Variants in CAMTA1 observed in about 807,000 individuals in gnomAD.
The protein encoded by CAMTA1 is calmodulin-binding transcription activator 1.
A neutral mutation model predicts 170.9 loss-of-function variants in CAMTA1; 27 were observed. That is an observed-to-expected ratio of 0.16 (90% CI 0.12 to 0.22). The LOEUF (loss-of-function observed/expected upper bound fraction) is 0.22, where lower values mean the gene tolerates loss of function less well. CAMTA1 is among the 10% of genes least tolerant of loss of function. The pLI is 1.00. For synonymous variants in CAMTA1, 833 were observed against 891.5 expected, an observed-to-expected ratio of 0.93 and a Z score of 1.17; for missense variants, 1,619 against 2,217.2, an observed-to-expected ratio of 0.73 and a Z score of 5.42.
chr1:6,814,313 C>G (rs539842170), intron 1 of CAMTA1, among the ~76,000 whole-genome samples: 1 of 152,224 alleles, frequency 6.6e-6, no homozygotes, highest in Non-Finnish European at 1.5e-5. Context: ...ATCTCCTTCT[C>G]TTCCTCCTCT....
At chr1:6,799,039 A>C (rs1385243809) in intron 1 of CAMTA1, among the ~76,000 whole-genome samples, 1 of 151,930 alleles carries the variant, frequency 6.6e-6, no homozygotes, top group Non-Finnish European at 1.5e-5. Flanking sequence ...CCTTTTTACT[A>C]TTTATTTATT....
At chr1:6,936,813 C>T (rs1418223946) in intron 3 of CAMTA1, among the ~76,000 whole-genome samples, 1 of 152,048 alleles carries the variant, frequency 6.6e-6, no homozygotes, top group Non-Finnish European at 1.5e-5. Flanking sequence ...ACGGTGAAAC[C>T]CCATCTCTAC....
chr1:7,507,431 T>C (rs78344859), intron 6 of CAMTA1, among the ~76,000 whole-genome samples: 6,346 of 152,168 alleles, frequency 0.042, 409 homozygotes, highest in African/African-American at 0.14. Flanking sequence ...CTATCGGAGC[T>C]GTTTACTCCC....
chr1:7,468,017 G>A, intron 6 of CAMTA1, 116 bp downstream of exon 6: 1 of 831,294 alleles, frequency 1.2e-6, no homozygotes, highest in South Asian at 1.6e-5. Context: ...GAGCCCTGGT[G>A]AGCTTGCCTA....
intron 4 of CAMTA1, among the ~76,000 whole-genome samples, chr1:7,223,726 A>G (rs116808675): frequency 0.018 from 2,750 of 152,338 alleles, 32 homozygotes; most frequent in Non-Finnish European, 0.029. Flanking sequence ...TGCCAGGCTT[A>G]TATTTGCTAA....
In CAMTA1 at chr1:7,670,979, C is replaced by G; in HGVS notation, c.2721C>G (p.Asp907Glu). Residue 907 changes from aspartate to glutamate, a missense_variant, in exon 10 of 23, where the codon GAC (aspartate) becomes GAG (glutamate). By Grantham distance (45) the Asp-to-Glu change is conservative (BLOSUM62 2). Transcript: ENST00000303635. ...GCAATAACTACAGCTGCCTGTTTGA[C>G]CAGATCTCAGTGCCTGCATCCCTGA... ...EASNNYSCLFDQISVPASLIQ... is the reference protein window; with the variant it reads ...EASNNYSCLFEQISVPASLIQ... 1.2e-6 allele frequency: 2 copies of G among 1,613,804 alleles called. No individual in the cohort carries two copies. The highest frequency in any genetic ancestry group is 1.7e-6 in the Non-Finnish European group (2 of 1,179,952).
chr1:7,154,581 C>T (rs751534550), intron 4 of CAMTA1, among the ~76,000 whole-genome samples: 1 of 152,166 alleles, frequency 6.6e-6, no homozygotes, highest in Non-Finnish European at 1.5e-5. Flanking sequence ...GTAATCTGTC[C>T]TGTGCGTGTG....
rs187807985 is a variant in CAMTA1 at position 7,696,944 on chromosome 1, G to A, written c.2914+19211G>A. 1.6e-4 allele frequency among the ~76,000 whole-genome samples: 25 copies of A among 152,314 alleles called. No individual in the cohort carries two copies. In the East Asian group the frequency reaches 4.6e-3, roughly 28 times the overall value. On this transcript the variant is annotated intron_variant, in intron 11 of 22. Transcript: ENST00000303635. ...GTGCAGGCTGGGCTGGGTGGGACCT[G>A]TGAGTTAAACCAGTGCATGCTAAGA...
At chr1:7,159,704 TG>T (rs1285304749) in intron 4 of CAMTA1, among the ~76,000 whole-genome samples, 2 of 152,212 alleles carry the variant, frequency 1.3e-5, no homozygotes, top group East Asian at 3.9e-4. Flanking sequence ...GGATCATACC[TG>T]GCTAATTAAA....
chr1:6,802,263 A>G (rs552237027), intron 1 of CAMTA1, among the ~76,000 whole-genome samples: 1 of 152,260 alleles, frequency 6.6e-6, no homozygotes, highest in African/African-American at 2.4e-5. Context: ...TGGCTCCTGC[A>G]TGTCCTGACT....
intron 3 of CAMTA1, among the ~76,000 whole-genome samples, chr1:6,896,410 C>T (rs1257091490): frequency 1.3e-5 from 2 of 152,140 alleles, no homozygotes; most frequent in Non-Finnish European, 1.5e-5. Context: ...CCCTCAGATC[C>T]AGCCTTCGGA....
intron 4 of CAMTA1, among the ~76,000 whole-genome samples, chr1:7,225,320 G>A (rs991816242): frequency 2.0e-5 from 3 of 152,136 alleles, no homozygotes; most frequent in African/African-American, 2.4e-5. Context: ...TCCTGACCTC[G>A]TGATCCGCCT....
intron 5 of CAMTA1, among the ~76,000 whole-genome samples, chr1:7,439,991 G>A (rs1215839046): frequency 6.6e-6 from 1 of 152,258 alleles, no homozygotes; most frequent in Admixed American, 6.5e-5. Context: ...GGCCCAGCAG[G>A]CCTGTCTCAG....
At chr1:7,107,956 G>T (rs60048327) in intron 4 of CAMTA1, among the ~76,000 whole-genome samples, 24,165 of 152,076 alleles carry the variant, frequency 0.16, 2,139 homozygotes, top group South Asian at 0.26. Flanking sequence ...ACTTGAGAAG[G>T]GTGCCTCTCA....
intron 5 of CAMTA1, among the ~76,000 whole-genome samples, chr1:7,274,018 A>C (rs1423858671): frequency 1.3e-5 from 2 of 152,182 alleles, no homozygotes; most frequent in Non-Finnish European, 2.9e-5. Context: ...GAAAGACTCA[A>C]AAATATTCAA....
chr1:7,179,797 T>C (rs1258871031), intron 4 of CAMTA1, among the ~76,000 whole-genome samples: 1 of 151,984 alleles, frequency 6.6e-6, no homozygotes, highest in African/African-American at 2.4e-5. Context: ...AAAATGCAAA[T>C]AAGTGAACTA....
chr1:6,887,657 C>G lies in CAMTA1; in HGVS notation c.234+62447C>G. 3.9e-6 allele frequency: 6 copies of G among 1,534,978 alleles called. No individual in the cohort carries two copies. Among genetic ancestry groups the G allele is most frequent in the Non-Finnish European group, 5.2e-6 (6 of 1,146,514 alleles). On this transcript the variant is annotated intron_variant, in intron 3 of 22. Transcript: ENST00000303635. The surrounding 1 kb of genome is among the most constrained non-coding windows in gnomAD (Gnocchi z 4.1). ...ATTTTACACCTATTTATTTCAGGCT[C>G]TCACCACACACTTGTTCATGGGCGC...
At chr1:7,474,052 G>A (rs2093378901) in intron 6 of CAMTA1, among the ~76,000 whole-genome samples, 1 of 152,364 alleles carries the variant, frequency 6.6e-6, no homozygotes, top group East Asian at 1.9e-4. Flanking sequence ...GACACTGGGT[G>A]AGTGGATGGG....
chr1:7,590,160 G>A (rs545895498), intron 6 of CAMTA1, among the ~76,000 whole-genome samples: 1 of 152,280 alleles, frequency 6.6e-6, no homozygotes, highest in Non-Finnish European at 1.5e-5. Context: ...CTAAGGCAGG[G>A]GTGAGGACAT....
Sources: allele counts gnomAD v4.1 joint callset (sites outside exome capture counted in the v4.1 genomes callset), GRCh38; gene constraint gnomAD v4.1.1; non-coding constraint Gnocchi (gnomAD v3.1); transcripts MANE v1.5; gene names NCBI Gene and HGNC (gene_info 2026-07-23, HGNC 2026-07-21).